Variants in GLIS3 observed in about 807,000 individuals in gnomAD.
GLIS3 encodes the protein zinc finger protein GLIS3.
A neutral mutation model predicts 78.6 loss-of-function variants in GLIS3; 53 were observed. The ratio of observed to expected loss-of-function variants is 0.67; its 90% CI spans 0.54 to 0.85. GLIS3 has a LOEUF of 0.85. Among genes scored for constraint, GLIS3 ranks in the 40% least tolerant of loss-of-function variants. The pLI is 0.00. For missense variants in GLIS3, 1,703 were observed against 1,231.1 expected (o/e 1.38, Z -5.74); for synonymous variants, 684 against 509.9 (o/e 1.34, Z -4.60).
At chr9:3,937,264 A>C in intron 4 of GLIS3, 75 bp from the exon 5 acceptor site, 1 of 1,504,258 alleles carries the variant, frequency 6.6e-7, no homozygotes, top group Non-Finnish European at 9.2e-7. Flanking sequence ...CTAAAAAAAA[A>C]ATGTTCTTAG....
intron 4 of GLIS3, among the ~76,000 whole-genome samples, chr9:4,068,096 G>A (rs1827258879): frequency 6.6e-6 from 1 of 152,122 alleles, no homozygotes; most frequent in African/African-American, 2.4e-5. Flanking sequence ...AGAAAATGGA[G>A]AAGTGTTACT....
chr9:3,947,396 C>T (rs980800141), intron 4 of GLIS3, among the ~76,000 whole-genome samples: 3 of 152,228 alleles, frequency 2.0e-5, no homozygotes, highest in African/African-American at 7.2e-5. Context: ...ATACATACAG[C>T]AACACAAACC....
At position 4,227,366 on chromosome 9, in the gene GLIS3, A is replaced by T. The variant is rs549572499; in HGVS notation, c.388+58672T>A. Reference sequence around the variant, plus strand: ...CACACAATGATAGCCTTGAAAGGAAAATTAAGAAAAGCTACCGAAGGTTTT... The same window carrying T: ...CACACAATGATAGCCTTGAAAGGAATATTAAGAAAAGCTACCGAAGGTTTT... On this transcript the variant is annotated intron_variant, in intron 2 of 10. Coordinates refer to ENST00000381971, the MANE Select transcript of GLIS3 (RefSeq NM_001042413.2). Among the ~76,000 whole-genome samples the T allele has an allele frequency of 2.6e-5, 4 of 152,194 alleles. No homozygotes were observed. In the East Asian group the frequency reaches 7.7e-4, roughly 29 times the overall value.
At chr9:4,419,657 G>A in the GLIS3 span, among the ~76,000 whole-genome samples, 245 of 142,792 alleles carry the variant, frequency 1.7e-3, 3 homozygotes, top group African/African-American at 6.4e-3. Flanking sequence ...GTCCACGCCT[G>A]TAGTCCCAGC....
intron 2 of GLIS3, among the ~76,000 whole-genome samples, chr9:4,243,673 T>C (rs760065966): frequency 9.9e-5 from 15 of 152,228 alleles, no homozygotes; most frequent in South Asian, 4.1e-4. Context: ...CAGAACATCA[T>C]TGTGGATCAC....
At chr9:4,318,785 C>T (rs1165609013) in intron 2 of GLIS3, among the ~76,000 whole-genome samples, 1 of 152,146 alleles carries the variant, frequency 6.6e-6, no homozygotes, top group Non-Finnish European at 1.5e-5. Context: ...GATGCTAAAA[C>T]TATTAGGTGA....
At chr9:4,210,755 A>C (rs1820304157) in intron 2 of GLIS3, among the ~76,000 whole-genome samples, 1 of 152,246 alleles carries the variant, frequency 6.6e-6, no homozygotes, top group African/African-American at 2.4e-5. Flanking sequence ...GTACGCTTCG[A>C]TGCAGCTTCA....
chr9:4,230,871 T>C (rs960757300), intron 2 of GLIS3, among the ~76,000 whole-genome samples: 1 of 152,190 alleles, frequency 6.6e-6, no homozygotes, highest in African/African-American at 2.4e-5. Flanking sequence ...TCAGCCCACA[T>C]GAAATTAATT....
At chr9:4,235,726 T>A (rs1822671085) in intron 2 of GLIS3, among the ~76,000 whole-genome samples, 1 of 152,014 alleles carries the variant, frequency 6.6e-6, no homozygotes, top group African/African-American at 2.4e-5. Context: ...GAAAAAAAAA[T>A]CTGTTATCTT....
At chr9:3,963,463 T>C (rs1444413967) in intron 4 of GLIS3, among the ~76,000 whole-genome samples, 1 of 152,076 alleles carries the variant, frequency 6.6e-6, no homozygotes, top group Admixed American at 6.6e-5. Context: ...CCTTCCGAAG[T>C]CTGAGTTATC....
At chr9:4,401,893 G>C in the GLIS3 span, among the ~76,000 whole-genome samples, 1 of 152,114 alleles carries the variant, frequency 6.6e-6, no homozygotes, top group Non-Finnish European at 1.5e-5. Context: ...CCAGGGAGAG[G>C]CCCCTCTGCC....
intron 2 of GLIS3, among the ~76,000 whole-genome samples, chr9:4,159,329 T>C (rs1310842557): frequency 6.6e-6 from 1 of 152,212 alleles, no homozygotes; most frequent in Non-Finnish European, 1.5e-5. Context: ...TTTCTTTCAA[T>C]ACGGATGATC....
intron 2 of GLIS3, among the ~76,000 whole-genome samples, chr9:4,164,146 G>A (rs1279077327): frequency 6.6e-6 from 1 of 152,212 alleles, no homozygotes; most frequent in Non-Finnish European, 1.5e-5. Context: ...TCAAATGACA[G>A]TGGGTCATTT....
intron 7 of GLIS3, among the ~76,000 whole-genome samples, chr9:3,889,610 GC>G (rs1335408781): frequency 6.6e-6 from 1 of 152,152 alleles, no homozygotes; most frequent in East Asian, 1.9e-4. Flanking sequence ...CTTTATGGAT[GC>G]CTTGATTTCA....
intron 9 of GLIS3, among the ~76,000 whole-genome samples, chr9:3,832,585 G>A (rs530183257): frequency 6.6e-6 from 1 of 152,316 alleles, no homozygotes; most frequent in South Asian, 2.1e-4. Context: ...ATGTGGAGAT[G>A]TATAGTTTCA....
At chr9:4,058,881 C>A (rs1289234090) in intron 4 of GLIS3, among the ~76,000 whole-genome samples, 1 of 151,660 alleles carries the variant, frequency 6.6e-6, no homozygotes, top group Non-Finnish European at 1.5e-5. Context: ...ACTGAGGAGG[C>A]TGAGGCAGGA....
chr9:4,333,887 G>A (rs560470162), intron 2 of GLIS3, among the ~76,000 whole-genome samples: 1 of 152,284 alleles, frequency 6.6e-6, no homozygotes, highest in South Asian at 2.1e-4. Flanking sequence ...CAACGCCAGG[G>A]AAAACCACTT....
chr9:4,456,974 G>A, the GLIS3 span, among the ~76,000 whole-genome samples: 1 of 152,130 alleles, frequency 6.6e-6, no homozygotes, highest in Non-Finnish European at 1.5e-5. Context: ...TTAACAAAAT[G>A]TGACACAGAC....
chr9:4,208,442 G>C (rs1465650068), intron 2 of GLIS3, among the ~76,000 whole-genome samples: 1 of 152,198 alleles, frequency 6.6e-6, no homozygotes, highest in Non-Finnish European at 1.5e-5. Flanking sequence ...CTTCCAGAGA[G>C]TGGTCTTAAG....
Sources: allele counts gnomAD v4.1 joint callset (sites outside exome capture counted in the v4.1 genomes callset), GRCh38; gene constraint gnomAD v4.1.1; transcripts MANE v1.5; gene names NCBI Gene and HGNC (gene_info 2026-07-23, HGNC 2026-07-21).